Variants in CACNA1H observed in about 807,000 individuals in gnomAD.
CACNA1H encodes calcium voltage-gated channel subunit alpha1 H, also known as voltage-dependent T-type calcium channel subunit alpha-1H.
Under a neutral mutation model 192.5 loss-of-function variants are expected in CACNA1H, and 149 were observed. The ratio of observed to expected loss-of-function variants is 0.77; its 90% CI spans 0.68 to 0.89. CACNA1H has a LOEUF of 0.89. Ranked by LOEUF, CACNA1H falls within the 40% of genes least tolerant of loss-of-function variation. The pLI is 0.00. For synonymous variants in CACNA1H, 2,202 were observed against 1,475.2 expected (o/e 1.49, Z -11.29); for missense variants, 4,257 against 3,423.5 (o/e 1.24, Z -6.08).
intron 2 of CACNA1H, among the ~76,000 whole-genome samples, chr16:1,181,834 C>T (rs1965500030): frequency 1.3e-5 from 2 of 152,130 alleles, no homozygotes; most frequent in Non-Finnish European, 2.9e-5. Context: ...CCGGCCCATG[C>T]ACACAGCTAC....
In CACNA1H at chr16:1,202,204, C is replaced by G. The variant is rs372367313; in HGVS notation, c.1754C>G (p.Pro585Arg). 6.4e-7 allele frequency: 1 copy of G among 1,553,320 alleles called. No individual in the cohort carries two copies. Among genetic ancestry groups the G allele is most frequent in the South Asian group, 1.2e-5 (1 of 84,294 alleles). The change falls in exon 9 of 35, where the codon CCG (proline) becomes CGG (arginine). Residue 585 changes from proline to arginine, a missense_variant. Physicochemically the swap from Pro to Arg is moderately radical, Grantham distance 103. Transcript: ENST00000348261. ...IYHADCHIEGPQERARVAHAA... is the reference protein window; with the variant it reads ...IYHADCHIEGRQERARVAHAA... ...CATGCCGACTGCCACATAGAGGGGC[C>G]GCAGGAGAGGGCCCGGGTGGCACAT...
intron 2 of CACNA1H, among the ~76,000 whole-genome samples, chr16:1,160,955 T>TGGGCTC (rs934629841): frequency 1.3e-5 from 2 of 152,040 alleles, no homozygotes; most frequent in Non-Finnish European, 2.9e-5. Flanking sequence ...GGTGCAGCCC[T>TGGGCTC]GGGCTCTTTG....
rs201277274 is a variant in CACNA1H, at chr16:1,210,518, C to T, written c.3969+25C>T. 69 of 1,610,942 alleles carry T rather than the reference C, an allele frequency of 4.3e-5. No homozygotes were observed. The East Asian group carries it at 7.8e-4, about 18-fold the overall frequency. On this transcript the variant is annotated intron_variant, in intron 19 of 34. Transcript: ENST00000348261. ...CGTGAGTCAGCCAACCCCATCGTCC[C>T]GGGCCACCACGACCCCCAGGGAGGG... is the stretch of plus-strand genomic sequence containing the variant.
rs369155203 is a variant in CACNA1H at position 1,209,367 on chromosome 16, C to T, written c.3699C>T (p.Asp1233=). Residue 1233 remains aspartate (D), a synonymous_variant, in exon 17 of 35, where the codon GAC becomes GAT. Transcript: ENST00000348261. ...CCAGCGACTTCTTCCTGCGCATCGA[C>T]AGCCACCGTGAGGATGCAGCCGAGC... ...ALPSDFFLRI[D]SHREDAAELD... The T allele has an allele frequency of 1.0e-4, 167 of 1,598,036 alleles. 2 individuals carry two copies. In the South Asian group the frequency reaches 1.8e-3, roughly 17 times the overall value.
At chr16:1,173,363 C>G (rs1174761136) in intron 2 of CACNA1H, among the ~76,000 whole-genome samples, 1 of 152,174 alleles carries the variant, frequency 6.6e-6, no homozygotes, top group African/African-American at 2.4e-5. Context: ...GCGTGCTCCC[C>G]CACAACCTCC....
intron 2 of CACNA1H, among the ~76,000 whole-genome samples, chr16:1,169,331 C>T (rs2151697090): frequency 6.6e-6 from 1 of 152,332 alleles, no homozygotes; most frequent in Non-Finnish European, 1.5e-5. Context: ...TCAGATGATG[C>T]ATGGGCTGGC....
rs368357823 is a variant in CACNA1H, at chr16:1,200,428, C to A, written c.976C>A (p.Gln326Lys). 1 of 1,610,066 alleles carries A rather than the reference C, an allele frequency of 6.2e-7. No homozygotes were observed. Among genetic ancestry groups the A allele is most frequent in the African/African-American group, 1.3e-5 (1 of 74,906 alleles). Residue 326 changes from glutamine to lysine, a missense_variant, in exon 7 of 35, where the codon CAG becomes AAG. By Grantham distance (53) the Gln-to-Lys change is moderately conservative. Transcript: ENST00000348261. The part of the protein sequence containing the change: ...TLGWEAYTQP[Q>K]AEGVGAARNA... ...GGGCTGGGAGGCCTACACGCAGCCGCAGGCCGAGGGGGTGGGCGCTGCACG... is the reference window on the plus strand; with the variant it reads ...GGGCTGGGAGGCCTACACGCAGCCGAAGGCCGAGGGGGTGGGCGCTGCACG...
chr16:1,195,813 T>C (rs1485919787), intron 4 of CACNA1H, 113 bp from the exon 5 acceptor site: 10 of 962,074 alleles, frequency 1.0e-5, no homozygotes, highest in Non-Finnish European at 1.7e-5. Context: ...TACAAGGTCC[T>C]CCGGGTGCCG....
At chr16:1,188,663 C>G (rs1386308641) in intron 2 of CACNA1H, among the ~76,000 whole-genome samples, 8 of 152,258 alleles carry the variant, frequency 5.3e-5, no homozygotes, top group Non-Finnish European at 1.5e-5. Context: ...GAGCTATGCG[C>G]TTTCAAGCTG....
intron 2 of CACNA1H, among the ~76,000 whole-genome samples, 188 bp downstream of exon 2, chr16:1,154,224 G>T (rs1596272255): frequency 6.6e-6 from 1 of 151,736 alleles, no homozygotes; most frequent in African/African-American, 2.4e-5. Flanking sequence ...TGGCGGGCTT[G>T]GGGGGCCACC....
intron 5 of CACNA1H, among the ~76,000 whole-genome samples, chr16:1,197,984 C>G (rs1383042452): frequency 6.6e-6 from 1 of 152,088 alleles, no homozygotes; most frequent in Admixed American, 6.5e-5. Context: ...CCTGAAAAGC[C>G]GCTGCCGGTC....
intron 12 of CACNA1H, 38 bp downstream of exon 12, chr16:1,206,327 AC>A: frequency 6.5e-7 from 1 of 1,529,296 alleles, no homozygotes; most frequent in Non-Finnish European, 8.8e-7. Context: ...CCAGTGTCTC[AC>A]CCCAGGGCAG....
rs2738894 is a variant in CACNA1H at position 1,219,312 on chromosome 16, C to T, written c.6048+182C>T. 0.094 allele frequency among the ~76,000 whole-genome samples: 14,336 copies of T among 152,216 alleles called. 924 individuals are homozygous for T. The highest frequency in any genetic ancestry group is 0.25 in the South Asian group (1,185 of 4,828). On this transcript the variant is annotated intron_variant, in intron 34 of 34. Coordinates refer to ENST00000348261, the MANE Select transcript of CACNA1H (RefSeq NM_021098.3). ...GATCTTGGAGCATTGGGCCCAGGTG[C>T]GTCTTCAGGCCTGTGAGCCTGTGGC... is the stretch of plus-strand genomic sequence containing the variant.
rs35181617 is a variant in CACNA1H, at chr16:1,198,559, C to T, written c.644-56C>T. Reference sequence around the variant, plus strand: ...CGGGGGTCCCGGGAGGGGCTGCAGCCCCGAGGACACTCCTGCAGGGCTTAG... The same window carrying T: ...CGGGGGTCCCGGGAGGGGCTGCAGCTCCGAGGACACTCCTGCAGGGCTTAG... On this transcript the variant is annotated intron_variant, in intron 5 of 34. Transcript: ENST00000348261. 1,992 of 1,593,830 alleles carry T rather than the reference C, an allele frequency of 1.2e-3. 23 individuals carry two copies. The African/African-American group carries it at 0.021, about 17-fold the overall frequency.
intron 17 of CACNA1H, 114 bp downstream of exon 17, chr16:1,209,526 G>C: frequency 1.5e-6 from 2 of 1,301,648 alleles, no homozygotes; most frequent in Non-Finnish European, 2.1e-6. Flanking sequence ...AGGGGATTCA[G>C]AAGGGGAGAG....
In CACNA1H at chr16:1,195,211, G is replaced by A. The variant is rs529080430; in HGVS notation, c.411+128G>A. 43 of 898,744 alleles carry A rather than the reference G, an allele frequency of 4.8e-5. No individual in the cohort carries two copies. The African/African-American group carries it at 6.1e-4, about 13-fold the overall frequency. The allele number at this position is 898,744 out of a possible 1,614,324, so 55.7% of individuals were successfully genotyped here. ...TGGAGTGGGTCAGGGTCGGGGATCA[G>A]GGCGAGGTTCACGGCGGGGCGCGAG... On this transcript the variant is annotated intron_variant, in intron 3 of 34. Coordinates refer to ENST00000348261, the MANE Select transcript of CACNA1H (RefSeq NM_021098.3).
intron 2 of CACNA1H, among the ~76,000 whole-genome samples, chr16:1,156,001 C>T (rs1214811050): frequency 2.0e-5 from 3 of 152,096 alleles, no homozygotes; most frequent in African/African-American, 4.8e-5. Flanking sequence ...CTGGATGGTG[C>T]TCTCAGCCTG....
chr16:1,205,150 A>G lies in CACNA1H; in HGVS notation c.2488A>G (p.Ile830Val), dbSNP rs995137400. 16 of 1,612,908 alleles carry G rather than the reference A, an allele frequency of 9.9e-6. No individual in the cohort carries two copies. The highest frequency in any genetic ancestry group is 1.3e-5 in the Non-Finnish European group (15 of 1,179,786). ...ELTNALEISNIVFTSMFALEM... is the reference protein window; with the variant it reads ...ELTNALEISNVVFTSMFALEM... Reference sequence around the variant, plus strand: ...GACTAATGCTCTGGAGATCAGCAACATCGTGTTCACCAGCATGTTTGCCCT... The same window carrying G: ...GACTAATGCTCTGGAGATCAGCAACGTCGTGTTCACCAGCATGTTTGCCCT... The change falls in exon 11 of 35, where the codon ATC (isoleucine) becomes GTC (valine). Residue 830 changes from isoleucine to valine, a missense_variant. Physicochemically the swap from Ile to Val is conservative, Grantham distance 29 (BLOSUM62 3). Coordinates refer to ENST00000348261, the MANE Select transcript of CACNA1H (RefSeq NM_021098.3).
Position 1,207,283 on chromosome 16 carries a change from C to T in CACNA1H, c.2916C>T (p.Thr972=). ...WAIVTVFQIL[T]QEDWNVVLYN... ...CCCCTGCTATCCCCCAGATCCTGACCCAGGAGGACTGGAACGTGGTCCTGT... is the reference window on the plus strand; with the variant it reads ...CCCCTGCTATCCCCCAGATCCTGACTCAGGAGGACTGGAACGTGGTCCTGT... The change falls in exon 14 of 35, where the codon ACC becomes ACT. Residue 972 remains threonine (T), a synonymous_variant. Coordinates refer to ENST00000348261, the MANE Select transcript of CACNA1H (RefSeq NM_021098.3). The T allele has an allele frequency of 1.9e-6, 3 of 1,607,804 alleles. No homozygotes were observed. Among genetic ancestry groups the T allele is most frequent in the South Asian group, 2.2e-5 (2 of 90,310 alleles).
Sources: allele counts gnomAD v4.1 joint callset (sites outside exome capture counted in the v4.1 genomes callset), GRCh38; gene constraint gnomAD v4.1.1; transcripts MANE v1.5; gene names NCBI Gene and HGNC (gene_info 2026-07-23, HGNC 2026-07-21).